GREB1L: variants seen among roughly 807,000 people sequenced by gnomAD.
GREB1L encodes the protein GREB1-like protein.
A neutral mutation model predicts 200.8 loss-of-function variants in GREB1L; 17 were observed. The observed-to-expected ratio is 0.08, with a 90% CI of 0.06 to 0.13. The LOEUF is 0.13. Among genes scored for constraint, GREB1L ranks in the 10% least tolerant of loss-of-function variants. GREB1L has a pLI of 1.00. For synonymous variants in GREB1L, 789 were observed against 893.0 expected, an observed-to-expected ratio of 0.88 and a Z score of 2.08; for missense variants, 1,657 against 2,367.7, an observed-to-expected ratio of 0.70 and a Z score of 6.23.
In GREB1L at chr18:21,286,411, G is replaced by A. The variant is rs527671101; in HGVS notation, c.-120+44018G>A. On this transcript the variant is annotated intron_variant, in intron 1 of 32. Coordinates refer to ENST00000424526, the MANE Select transcript of GREB1L (RefSeq NM_001142966.3). ...GAGGAGGGTGTAATAAAATAGAAAT[G>A]GCATCTCTAGAAATAATGTTCATGT... Among the ~76,000 whole-genome samples the A allele has an allele frequency of 1.2e-4, 18 of 152,118 alleles. 1 individual carries two copies. Among genetic ancestry groups the A allele is most frequent in the Non-Finnish European group, 1.9e-4 (13 of 68,020 alleles).
intron 17 of GREB1L, among the ~76,000 whole-genome samples, chr18:21,480,897 G>A (rs999837843): frequency 2.0e-5 from 3 of 152,034 alleles, no homozygotes; most frequent in African/African-American, 7.3e-5. Flanking sequence ...GCGGGCAACT[G>A]TAATCCCAGC....
intron 1 of GREB1L, among the ~76,000 whole-genome samples, chr18:21,275,465 C>A (rs1485993666): frequency 3.3e-5 from 5 of 151,844 alleles, no homozygotes; most frequent in African/African-American, 1.2e-4. Context: ...AAAAGCCTGG[C>A]CAACATAGTG....
intron 1 of GREB1L, among the ~76,000 whole-genome samples, chr18:21,351,031 G>C (rs767436658): frequency 6.6e-5 from 10 of 152,216 alleles, no homozygotes; most frequent in Middle Eastern, 6.8e-3. Context: ...TAGCAAGAGA[G>C]AATGGGTAAG....
intron 1 of GREB1L, among the ~76,000 whole-genome samples, chr18:21,251,111 G>A (rs746168014): frequency 2.0e-5 from 3 of 152,132 alleles, no homozygotes; most frequent in Non-Finnish European, 2.9e-5. Flanking sequence ...TTGAAGCCAG[G>A]AGTTCGAGAC....
intron 1 of GREB1L, among the ~76,000 whole-genome samples, chr18:21,302,110 TCTC>T (rs763733662): frequency 9.2e-5 from 14 of 152,310 alleles, no homozygotes; most frequent in Non-Finnish European, 2.1e-4. Context: ...TGTTTCTTCT[TCTC>T]CTCCTCCCCT....
chr18:21,458,191 G>A (rs577104203), intron 15 of GREB1L, among the ~76,000 whole-genome samples: 6 of 152,064 alleles, frequency 3.9e-5, no homozygotes, highest in East Asian at 1.9e-4. Flanking sequence ...GGCTGGTCTC[G>A]AACTTCCGAC....
At chr18:21,312,546 A>AT (rs1567932496) in intron 1 of GREB1L, among the ~76,000 whole-genome samples, 1 of 150,518 alleles carries the variant, frequency 6.6e-6, no homozygotes, top group African/African-American at 2.4e-5. Context: ...TTATTTATTT[A>AT]TTTATTTATT....
chr18:21,283,891 TTCC>T (rs1426700788), intron 1 of GREB1L, among the ~76,000 whole-genome samples: 5 of 152,216 alleles, frequency 3.3e-5, no homozygotes, highest in Admixed American at 3.3e-4. Flanking sequence ...TCCCTACACT[TTCC>T]TCTGTGCTAT....
At position 21,452,225 on chromosome 18, in the gene GREB1L, C is replaced by T. The variant is rs976043513; in HGVS notation, c.1984+8C>T. 4 of 1,550,476 alleles carry T rather than the reference C, an allele frequency of 2.6e-6. No homozygotes were observed. In the African/African-American group the frequency reaches 4.1e-5, roughly 16 times the overall value. The stretch of plus-strand genomic sequence containing the variant: ...TTCCCACACAAAACCTGGGTAATGT[C>T]ATCTCAGACCAAGAGGAGGAAGTCA... On this transcript the variant is annotated splice_region_variant and intron_variant, in intron 14 of 32. Transcript: ENST00000424526.
intron 1 of GREB1L, among the ~76,000 whole-genome samples, chr18:21,349,332 T>A (rs897927812): frequency 1.3e-5 from 2 of 152,208 alleles, no homozygotes; most frequent in African/African-American, 2.4e-5. Context: ...CCCAACTTAC[T>A]TTTTAAATTT....
At chr18:21,268,552 CACACACACATATATATATATAT>C (rs1224084952) in intron 1 of GREB1L, among the ~76,000 whole-genome samples, 18 of 98,964 alleles carry the variant, frequency 1.8e-4, no homozygotes, top group African/African-American at 1.0e-3. Flanking sequence ...CACACACACA[CACACACACATATATATATATAT>C]ATATATATAT....
chr18:21,438,780 A>T (rs2033704049), intron 7 of GREB1L, among the ~76,000 whole-genome samples: 1 of 151,588 alleles, frequency 6.6e-6, no homozygotes, highest in Non-Finnish European at 1.5e-5. Flanking sequence ...AACACGGTGA[A>T]ACCCCATCTC....
chr18:21,496,739 AG>A lies in GREB1L; in HGVS notation c.3391+42del, dbSNP rs747005155. ...TCTCTTTCATGGAGTGAGAGACATG[AG>A]TCAGGAGGTGTGTAGGAATTTGGAA... On this transcript the variant is annotated intron_variant, in intron 21 of 32. Coordinates refer to ENST00000424526, the MANE Select transcript of GREB1L (RefSeq NM_001142966.3). 15 of 1,539,678 alleles carry A rather than the reference AG, an allele frequency of 9.7e-6. No individual in the cohort carries two copies. In the South Asian group the frequency reaches 1.8e-4, roughly 19 times the overall value.
chr18:21,402,095 A>G (rs1285028074), intron 6 of GREB1L, among the ~76,000 whole-genome samples: 3 of 152,200 alleles, frequency 2.0e-5, no homozygotes, highest in Admixed American at 1.3e-4. Context: ...GTAGCATTAT[A>G]TAGTTCTTTA....
At chr18:21,476,409 C>T (rs1442872331) in intron 16 of GREB1L, among the ~76,000 whole-genome samples, 4 of 151,572 alleles carry the variant, frequency 2.6e-5, no homozygotes, top group Non-Finnish European at 5.9e-5. Context: ...AGAGAGAGAG[C>T]GGGAAAAGAA....
chr18:21,386,562 A>G (rs2040548494), intron 4 of GREB1L, among the ~76,000 whole-genome samples: 1 of 146,194 alleles, frequency 6.8e-6, no homozygotes, highest in Admixed American at 6.8e-5. Context: ...TGCTGGGATT[A>G]TAGGCGTGAG....
At chr18:21,410,165 G>A (rs923423235) in intron 7 of GREB1L, among the ~76,000 whole-genome samples, 4 of 151,878 alleles carry the variant, frequency 2.6e-5, no homozygotes, top group Non-Finnish European at 5.9e-5. Context: ...TAGCTTGTAG[G>A]GAAGCATGGG....
At chr18:21,327,576 A>G (rs2039041173) in intron 1 of GREB1L, among the ~76,000 whole-genome samples, 1 of 151,538 alleles carries the variant, frequency 6.6e-6, no homozygotes, top group Non-Finnish European at 1.5e-5. Flanking sequence ...TCTCCTGTGA[A>G]TTATCTTTTT....
At chr18:21,293,502 C>T (rs1324583933) in intron 1 of GREB1L, among the ~76,000 whole-genome samples, 1 of 152,204 alleles carries the variant, frequency 6.6e-6, no homozygotes, top group Non-Finnish European at 1.5e-5. Flanking sequence ...AGGAGTTGGA[C>T]TTCTTAACCA....
Sources: allele counts gnomAD v4.1 joint callset (sites outside exome capture counted in the v4.1 genomes callset), GRCh38; gene constraint gnomAD v4.1.1; transcripts MANE v1.5; gene names NCBI Gene and HGNC (gene_info 2026-07-23, HGNC 2026-07-21).